PTPN21: variants seen among roughly 807,000 people sequenced by gnomAD.
PTPN21 encodes tyrosine-protein phosphatase non-receptor type 21.
PTPN21 carries 77 observed loss-of-function variants against 131.8 expected under a neutral mutation model. That is an observed-to-expected ratio of 0.58 (90% CI 0.49 to 0.71). The LOEUF is 0.71. Among genes scored for constraint, PTPN21 ranks in the 30% least tolerant of loss-of-function variants. The pLI, the probability that PTPN21 is intolerant of heterozygous loss-of-function variation, is 0.00. For synonymous variants in PTPN21, 715 were observed against 621.3 expected (o/e 1.15, Z -2.24); for missense variants, 1,552 against 1,527.1 (o/e 1.02, Z -0.27).
At chr14:88,468,768 A>G in intron 18 of PTPN21, 148 bp downstream of exon 18, 3 of 894,240 alleles carry the variant, frequency 3.4e-6, no homozygotes, top group Non-Finnish European at 5.2e-6. Flanking sequence ...CCAAGAAGAC[A>G]CAGCCTTTTG....
At chr14:88,527,558 T>G (rs2078497287) in intron 2 of PTPN21, among the ~76,000 whole-genome samples, 1 of 152,216 alleles carries the variant, frequency 6.6e-6, no homozygotes, top group African/African-American at 2.4e-5. Flanking sequence ...TGGATATTAG[T>G]CCTTTGTCAG....
At chr14:88,503,037 G>A (rs1248850390) in intron 6 of PTPN21, among the ~76,000 whole-genome samples, 1 of 151,368 alleles carries the variant, frequency 6.6e-6, no homozygotes, top group Non-Finnish European at 1.5e-5. Context: ...ACACGTAGAG[G>A]TAACTAAATC....
At chr14:88,497,808 A>G (rs1415355179) in intron 8 of PTPN21, among the ~76,000 whole-genome samples, 1 of 151,348 alleles carries the variant, frequency 6.6e-6, no homozygotes, top group Non-Finnish European at 1.5e-5. Flanking sequence ...CAAATAAAAA[A>G]CAAAAACTAG....
chr14:88,479,857 G>C lies in PTPN21; in HGVS notation c.1574C>G (p.Pro525Arg), dbSNP rs1325791520. 6 of 1,569,524 alleles carry C rather than the reference G, an allele frequency of 3.8e-6. No homozygotes were observed. Among genetic ancestry groups the C allele is most frequent in the Admixed American group, 3.4e-5 (2 of 58,646 alleles). ...CACGGGCCGCCGCTCGGCAGGGTAGGGGTAGGGAGACGGGCTGTGGAAGCT... is the reference window on the plus strand; with the variant it reads ...CACGGGCCGCCGCTCGGCAGGGTAGCGGTAGGGAGACGGGCTGTGGAAGCT... The part of the protein sequence containing the change: ...SYSFHSPSPY[P>R]YPAERRPVVG... Residue 525 changes from proline (P) to arginine (R), a missense_variant, in exon 13 of 19, where the codon CCC becomes CGC. Pro to Arg is a moderately radical substitution (Grantham distance 103). Coordinates refer to ENST00000556564, the MANE Select transcript of PTPN21 (RefSeq NM_007039.4).
At position 88,469,916 on chromosome 14, in the gene PTPN21, A is replaced by G; in HGVS notation, c.3000+6T>C. Reference sequence around the variant, plus strand: ...AGAAAATCACTTAAGAGAAATAAGTACCTACCTCTTCTGCTGTCACCATTG... The same window carrying G: ...AGAAAATCACTTAAGAGAAATAAGTGCCTACCTCTTCTGCTGTCACCATTG... On this transcript the variant is annotated splice_donor_region_variant and intron_variant, in intron 16 of 18. Transcript: ENST00000556564. The surrounding 1 kb of genome is among the most constrained non-coding windows in gnomAD (Gnocchi z 4.3). The G allele has an allele frequency of 6.2e-7, 1 of 1,613,946 alleles. No homozygotes were observed. Among genetic ancestry groups the G allele is most frequent in the Non-Finnish European group, 8.5e-7 (1 of 1,179,976 alleles).
chr14:88,503,181 G>A (rs1162300043), intron 6 of PTPN21, among the ~76,000 whole-genome samples: 2 of 151,830 alleles, frequency 1.3e-5, no homozygotes, highest in Non-Finnish European at 2.9e-5. Context: ...GACTACCGGT[G>A]CATGCCACCA....
chr14:88,499,512 C>A (rs2077976514), intron 8 of PTPN21: 2 of 152,144 alleles, frequency 1.3e-5, no homozygotes, highest in African/African-American at 4.8e-5. Context: ...GTGGAGGATC[C>A]AAGTTCTAGT....
intron 10 of PTPN21, among the ~76,000 whole-genome samples, chr14:88,486,836 C>T (rs2077740999): frequency 6.6e-6 from 1 of 151,852 alleles, no homozygotes; most frequent in South Asian, 2.1e-4. Flanking sequence ...ACTAGCTGGG[C>T]ATGGTGGTGG....
rs1243349755 is a variant in PTPN21 at position 88,500,855 on chromosome 14, T to C, written c.692A>G (p.Asp231Gly). The change falls in exon 8 of 19, where the codon GAC becomes GGC. Residue 231 changes from aspartate (D) to glycine (G), a missense_variant. Around this residue, in one of 4 missense-constraint regions of PTPN21, gnomAD observed 1,016 missense variants for 883.5 expected, o/e 1.15. Transcript: ENST00000556564. ...SYPAKDSQGS[D>G]ISIGACLEGI... ...TTCAAGACACGCTCCAATGGATATG[T>C]CACTTCCTTGGCTATCCTACAAGGA... 2 of 1,612,794 alleles carry C rather than the reference T, an allele frequency of 1.2e-6. No individual in the cohort carries two copies. The highest frequency in any genetic ancestry group is 2.2e-5 in the East Asian group (1 of 44,862).
intron 2 of PTPN21, among the ~76,000 whole-genome samples, chr14:88,540,392 A>C (rs996074675): frequency 1.3e-5 from 2 of 152,222 alleles, no homozygotes; most frequent in Non-Finnish European, 2.9e-5. Context: ...TATCATTCTT[A>C]CTATTACATG....
chr14:88,506,925 A>T (rs1030805202), intron 4 of PTPN21, among the ~76,000 whole-genome samples: 1 of 152,044 alleles, frequency 6.6e-6, no homozygotes. Context: ...AGGTATCTGT[A>T]ATCCCAGGTA....
chr14:88,488,621 A>G (rs904316963), intron 10 of PTPN21, among the ~76,000 whole-genome samples: 1 of 152,172 alleles, frequency 6.6e-6, no homozygotes, highest in Non-Finnish European at 1.5e-5. Context: ...AGAAGAAATC[A>G]CTAGAATCTG....
At chr14:88,527,324 C>A (rs1397004859) in intron 2 of PTPN21, among the ~76,000 whole-genome samples, 2 of 152,072 alleles carry the variant, frequency 1.3e-5, no homozygotes, top group Non-Finnish European at 2.9e-5. Flanking sequence ...ATCTATTATT[C>A]TTTGATTTTT....
rs1444820593 is a variant in PTPN21 at position 88,469,605 on chromosome 14, G to A, written c.3129C>T (p.Gly1043=). ...RTDSGCYATT[G]LKMKHLLTGQ... Reference sequence around the variant, plus strand: ...CAGTAAGGAGGTGCTTCATCTTCAGGCCTGTGGTGGCATAGCAGCCAGAGT... The same window carrying A: ...CAGTAAGGAGGTGCTTCATCTTCAGACCTGTGGTGGCATAGCAGCCAGAGT... The change falls in exon 17 of 19, where the codon GGC becomes GGT. Residue 1043 remains glycine (G), a synonymous_variant. Coordinates refer to ENST00000556564, the MANE Select transcript of PTPN21 (RefSeq NM_007039.4). This position sits in a 1 kb window ranked among gnomAD's most constrained non-coding sequence, Gnocchi z 4.3. The A allele has an allele frequency of 4.3e-6, 7 of 1,614,072 alleles. No individual in the cohort carries two copies. Among genetic ancestry groups the A allele is most frequent in the Non-Finnish European group, 5.9e-6 (7 of 1,180,018 alleles).
Position 88,480,125 on chromosome 14 carries a change from G to GATGGC in PTPN21, c.1305_1306insGCCAT (p.Arg436AlafsTer7). 1 of 1,614,142 alleles carries GATGGC rather than the reference G, an allele frequency of 6.2e-7. No individual in the cohort carries two copies. The highest frequency in any genetic ancestry group is 8.5e-7 in the Non-Finnish European group (1 of 1,180,000). On this transcript the variant is annotated frameshift_variant, in exon 13 of 19. Transcript: ENST00000556564. LOFTEE classifies it high-confidence loss of function. ...GACGGGGGTATCACGGCGCTGTGCC[G>GATGGC]ATGGGACGGGAGGTAGTCAGGCCTC...
At chr14:88,518,386 G>GTGTATATATATGTATATATA (rs1259300832) in intron 2 of PTPN21, among the ~76,000 whole-genome samples, 1 of 9,708 alleles carries the variant, frequency 1.0e-4, no homozygotes, top group African/African-American at 2.4e-4. Context: ...GTGTGTGTGT[G>GTGTATATATATGTATATATA]TATATATATA....
intron 10 of PTPN21, among the ~76,000 whole-genome samples, chr14:88,489,778 A>G (rs1180098376): frequency 6.6e-6 from 1 of 152,236 alleles, no homozygotes; most frequent in Middle Eastern, 3.4e-3. Flanking sequence ...CTCCCAGCCT[A>G]CACTTGGGTA....
chr14:88,480,163 C>G lies in PTPN21; in HGVS notation c.1268G>C (p.Gly423Ala). Residue 423 changes from glycine (G) to alanine (A), a missense_variant, in exon 13 of 19, where the codon GGG becomes GCG. Around this residue, in one of 4 missense-constraint regions of PTPN21, gnomAD observed 1,016 missense variants for 883.5 expected, o/e 1.15. Coordinates refer to ENST00000556564, the MANE Select transcript of PTPN21 (RefSeq NM_007039.4). ...GTAGTCAGGCCTCATGACGTCACTC[C>G]CGGTGATGCTAGGGTTGGACGACAT... ...SPMSSNPSIT[G>A]SDVMRPDYLP... 6.2e-7 allele frequency: 1 copy of G among 1,614,056 alleles called. No homozygotes were observed.
In PTPN21 at chr14:88,474,131, C is replaced by CAAAAA. The variant is rs754719071; in HGVS notation, c.2512-334_2512-330dup. 2.9e-3 allele frequency among the ~76,000 whole-genome samples: 137 copies of CAAAAA among 46,622 alleles called. 2 individuals are homozygous for CAAAAA. The highest frequency in any genetic ancestry group is 4.9e-3 in the African/African-American group (62 of 12,676). The allele number at this position is 46,622 out of a possible 152,430, so 30.6% of individuals were successfully genotyped here. A position where few individuals can be genotyped will look rare whatever the true frequency, so the allele number is the denominator to read the frequency against. ...CAGACGTAACAAATCAGCTGAAGTCCAAAAAAAAAAAAAAAAAAAAAAAAC... is the reference window on the plus strand; with the variant it reads ...CAGACGTAACAAATCAGCTGAAGTCCAAAAAAAAAAAAAAAAAAAAAAAAAAAAAC... On this transcript the variant is annotated intron_variant, in intron 13 of 18. Coordinates refer to ENST00000556564, the MANE Select transcript of PTPN21 (RefSeq NM_007039.4).
Sources: gnomAD v4.1 joint callset for allele counts (sites outside exome capture counted in the v4.1 genomes callset) on GRCh38, gnomAD v4.1.1 for gene constraint, gnomAD v4.1.1 regional missense constraint, Gnocchi (gnomAD v3.1) non-coding constraint, MANE v1.5 for transcripts, NCBI Gene and HGNC (gene_info 2026-07-23, HGNC 2026-07-21) for gene names.